SEL1L2: variants seen among roughly 807,000 people sequenced by gnomAD.
SEL1L2 encodes protein sel-1 homolog 2.
Under a neutral mutation model 98.8 loss-of-function variants are expected in SEL1L2, and 89 were observed. The observed-to-expected ratio is 0.90, with a 90% CI of 0.76 to 1.07. SEL1L2 has a LOEUF of 1.07. Among genes scored for constraint, SEL1L2 ranks in the 50% least tolerant of loss-of-function variants. SEL1L2 has a pLI of 0.00. For missense variants in SEL1L2, 788 were observed against 812.0 expected, an observed-to-expected ratio of 0.97 and a Z score of 0.36; for synonymous variants, 262 against 278.5, an observed-to-expected ratio of 0.94 and a Z score of 0.59.
At chr20:13,893,423 A>G (rs1319189647) in intron 5 of SEL1L2, among the ~76,000 whole-genome samples, 1 of 152,234 alleles carries the variant, frequency 6.6e-6, no homozygotes, top group African/African-American at 2.4e-5. Flanking sequence ...GAGACAAAGA[A>G]GAACATTATA....
At chr20:13,892,153 G>T (rs565153615) in intron 5 of SEL1L2, among the ~76,000 whole-genome samples, 1 of 152,222 alleles carries the variant, frequency 6.6e-6, no homozygotes, top group East Asian at 1.9e-4. Flanking sequence ...AATATAGATT[G>T]TTATAAGATA....
intron 1 of SEL1L2, among the ~76,000 whole-genome samples, chr20:13,978,132 C>A (rs1019580679): frequency 6.6e-6 from 1 of 152,138 alleles, no homozygotes; most frequent in Non-Finnish European, 1.5e-5. Context: ...CTCAAAACAG[C>A]ATGATACGGG....
intron 1 of SEL1L2, among the ~76,000 whole-genome samples, chr20:13,984,509 T>C (rs764929031): frequency 5.9e-5 from 9 of 152,228 alleles, no homozygotes; most frequent in Non-Finnish European, 1.3e-4. Flanking sequence ...TTGATATCCA[T>C]CAACTCTTCT....
At chr20:13,914,044 C>A in intron 4 of SEL1L2, 100 bp from the exon 5 acceptor site, 1 of 1,052,172 alleles carries the variant, frequency 9.5e-7, no homozygotes. Flanking sequence ...AAGCAGGAAC[C>A]AGTTGTCATA....
At chr20:13,866,571 A>G in intron 15 of SEL1L2, 131 bp downstream of exon 15, 1 of 763,312 alleles carries the variant, frequency 1.3e-6, no homozygotes, top group Non-Finnish European at 2.0e-6. Context: ...AAATGTCAGT[A>G]TTCACATTGT....
rs188962647 is a variant in SEL1L2 at position 13,865,818 on chromosome 20, C to T, written c.1405-304G>A. On this transcript the variant is annotated intron_variant, in intron 15 of 19. Coordinates refer to ENST00000284951, the MANE Select transcript of SEL1L2 (RefSeq NM_025229.2). ...TATTTGGAAGAATAAGAATGTATCGCTAGTGTGTGTGTCTGTGTGTGTGTG... is the reference window on the plus strand; with the variant it reads ...TATTTGGAAGAATAAGAATGTATCGTTAGTGTGTGTGTCTGTGTGTGTGTG... 4.1e-3 allele frequency among the ~76,000 whole-genome samples: 516 copies of T among 125,008 alleles called. 3 individuals carry two copies. Among genetic ancestry groups the T allele is most frequent in the Non-Finnish European group, 6.3e-3 (364 of 57,414 alleles). The allele number at this position is 125,008 out of a possible 152,430, so 82.0% of individuals were successfully genotyped here.
chr20:13,871,978 CATAA>C (rs2046225648), intron 12 of SEL1L2, among the ~76,000 whole-genome samples: 1 of 152,154 alleles, frequency 6.6e-6, no homozygotes, highest in Non-Finnish European at 1.5e-5. Flanking sequence ...AGGAATAGCA[CATAA>C]ATAGAGAAGG....
intron 17 of SEL1L2, among the ~76,000 whole-genome samples, chr20:13,864,734 TTAA>T (rs151085434): frequency 0.02 from 3,017 of 152,290 alleles, 48 homozygotes; most frequent in Non-Finnish European, 0.03. Context: ...ATGTGATATT[TTAA>T]TAGAGAAATC....
In SEL1L2 at chr20:13,876,134, A is replaced by G. The variant is rs1347823108; in HGVS notation, c.1027-19T>C. On this transcript the variant is annotated intron_variant, in intron 11 of 19. Coordinates refer to ENST00000284951, the MANE Select transcript of SEL1L2 (RefSeq NM_025229.2). ...AATACATCTAGGAAGAAAAATGAAA[A>G]GAGGATAGAAAAAACAAAATAATTT... 6.3e-7 allele frequency: 1 copy of G among 1,584,308 alleles called. No individual in the cohort carries two copies.
chr20:13,993,195 A>T (rs2052572674), upstream of SEL1L2, among the ~76,000 whole-genome samples: 1 of 152,234 alleles, frequency 6.6e-6, no homozygotes. Flanking sequence ...GACTAAGTTT[A>T]CTGCAATGCT....
chr20:13,960,263 T>C (rs1021328867), intron 1 of SEL1L2, among the ~76,000 whole-genome samples: 1 of 152,158 alleles, frequency 6.6e-6, no homozygotes, highest in East Asian at 1.9e-4. Context: ...GAGAAAATTA[T>C]AGATATTAAA....
chr20:13,981,251 A>C (rs896482910), intron 1 of SEL1L2, among the ~76,000 whole-genome samples: 1 of 152,192 alleles, frequency 6.6e-6, no homozygotes, highest in Non-Finnish European at 1.5e-5. Flanking sequence ...ACCCCCCTAA[A>C]AAAAAGAAAG....
upstream of SEL1L2, among the ~76,000 whole-genome samples, chr20:13,993,341 C>T (rs79382673): frequency 5.0e-3 from 759 of 152,190 alleles, 6 homozygotes; most frequent in African/African-American, 0.017. Flanking sequence ...TTCAACTAAA[C>T]GGGTAATGGA....
chr20:13,908,972 A>C (rs1048740993), intron 5 of SEL1L2, among the ~76,000 whole-genome samples: 7 of 149,362 alleles, frequency 4.7e-5, no homozygotes, highest in African/African-American at 1.8e-4. Context: ...TGTTCTTGTT[A>C]TTGTTAAATA....
intron 17 of SEL1L2, among the ~76,000 whole-genome samples, chr20:13,863,614 C>G (rs1990518786): frequency 6.6e-6 from 1 of 152,206 alleles, no homozygotes; most frequent in Non-Finnish European, 1.5e-5. Context: ...CCTGACCTCT[C>G]TTAGGACACA....
At chr20:13,971,243 T>A (rs2051270690) in intron 1 of SEL1L2, among the ~76,000 whole-genome samples, 1 of 152,210 alleles carries the variant, frequency 6.6e-6, no homozygotes, top group South Asian at 2.1e-4. Flanking sequence ...GTTTATTGTA[T>A]CCTTTTCACC....
chr20:13,948,244 T>C (rs2050107498), intron 2 of SEL1L2, among the ~76,000 whole-genome samples: 1 of 148,542 alleles, frequency 6.7e-6, no homozygotes, highest in Non-Finnish European at 1.5e-5. Context: ...CTTTTTTTTT[T>C]CAGAAATAGA....
intron 3 of SEL1L2, among the ~76,000 whole-genome samples, chr20:13,924,755 T>G (rs565765264): frequency 6.6e-6 from 1 of 152,296 alleles, no homozygotes; most frequent in South Asian, 2.1e-4. Flanking sequence ...TGCTTATTCC[T>G]TTGTCAGGAT....
chr20:13,878,292 T>C lies in SEL1L2; in HGVS notation c.958-704A>G, dbSNP rs576223309. On this transcript the variant is annotated intron_variant, in intron 10 of 19. Coordinates refer to ENST00000284951, the MANE Select transcript of SEL1L2 (RefSeq NM_025229.2). The stretch of plus-strand genomic sequence containing the variant: ...ATAAAAGAAATCAGCCTCAAGAATG[T>C]GGTATGAAACCGCTCTTTTTTTTTT... 3.1e-4 allele frequency among the ~76,000 whole-genome samples: 43 copies of C among 139,118 alleles called. No individual in the cohort carries two copies. In the South Asian group the frequency reaches 6.7e-3, roughly 22 times the overall value. 91.3% of individuals were successfully genotyped at this position (139,118 alleles called of 152,430 possible).
Sources: gnomAD v4.1 joint callset for allele counts (sites outside exome capture counted in the v4.1 genomes callset) on GRCh38, gnomAD v4.1.1 for gene constraint, MANE v1.5 for transcripts, NCBI Gene and HGNC (gene_info 2026-07-23, HGNC 2026-07-21) for gene names.